COL25A1: variants seen among roughly 807,000 people sequenced by gnomAD.
COL25A1 encodes collagen alpha-1(XXV) chain.
Under a neutral mutation model 128.4 loss-of-function variants are expected in COL25A1, and 103 were observed. That is an observed-to-expected ratio of 0.80 (90% CI 0.68 to 0.94). COL25A1 has a LOEUF of 0.94. Ranked by LOEUF, COL25A1 falls within the 40% of genes least tolerant of loss-of-function variation. The pLI is 0.00. For missense variants in COL25A1, 745 were observed against 840.0 expected, an observed-to-expected ratio of 0.89 and a Z score of 1.40; for synonymous variants, 279 against 277.2, an observed-to-expected ratio of 1.01 and a Z score of -0.06.
intron 13 of COL25A1, among the ~76,000 whole-genome samples, chr4:108,917,780 AC>A (rs1351508544): frequency 6.6e-6 from 1 of 152,198 alleles, no homozygotes; most frequent in African/African-American, 2.4e-5. Context: ...TATGAGAATA[AC>A]TTTTGTTAGC....
At chr4:109,297,978 G>A (rs768770906) in intron 3 of COL25A1, among the ~76,000 whole-genome samples, 18 of 137,932 alleles carry the variant, frequency 1.3e-4, no homozygotes, top group Admixed American at 2.5e-4. Flanking sequence ...ATTCCAATCC[G>A]GAATTATCCA....
intron 3 of COL25A1, among the ~76,000 whole-genome samples, chr4:109,075,723 T>C (rs968028298): frequency 5.3e-5 from 8 of 152,138 alleles, no homozygotes; most frequent in African/African-American, 1.9e-4. Context: ...CTGTGTATAT[T>C]TTACCCACCA....
chr4:108,951,389 T>C (rs1344985611), intron 8 of COL25A1, among the ~76,000 whole-genome samples: 1 of 151,526 alleles, frequency 6.6e-6, no homozygotes, highest in African/African-American at 2.4e-5. Flanking sequence ...ACTTTTTTTT[T>C]CTTTTTTTTT....
chr4:109,145,067 CTTTTT>C (rs11344199), intron 3 of COL25A1, among the ~76,000 whole-genome samples: 1 of 109,152 alleles, frequency 9.2e-6, no homozygotes, highest in Non-Finnish European at 1.9e-5. Context: ...AAAACCTCAG[CTTTTT>C]TTTTTTTTTT....
intron 35 of COL25A1, chr4:108,819,795 C>T (rs1731604450): frequency 8.3e-7 from 1 of 1,206,540 alleles, no homozygotes. Flanking sequence ...GGAGACAGTT[C>T]CACAAGTCAG....
chr4:109,068,665 T>A (rs1462340058), intron 3 of COL25A1, among the ~76,000 whole-genome samples: 2 of 152,186 alleles, frequency 1.3e-5, no homozygotes, highest in African/African-American at 2.4e-5. Context: ...TATAATTCTA[T>A]CACCACTAAA....
At chr4:108,942,234 T>C (rs1244824715) in intron 8 of COL25A1, 1 of 1,550,330 alleles carries the variant, frequency 6.5e-7, no homozygotes. Flanking sequence ...CTGATTACTG[T>C]GCAGGGCAGC....
chr4:109,246,499 G>A (rs1446635042), intron 3 of COL25A1, among the ~76,000 whole-genome samples: 1 of 152,046 alleles, frequency 6.6e-6, no homozygotes, highest in Non-Finnish European at 1.5e-5. Context: ...TTTCTCAAAA[G>A]TGATTTGATA....
chr4:108,819,232 A>G lies in COL25A1; in HGVS notation c.1923+20T>C. ...ACAAAGGAACTGCATGCAGGGTGGTAGGAAAGAGAAATACTGTACCAATTG... is the reference window on the plus strand; with the variant it reads ...ACAAAGGAACTGCATGCAGGGTGGTGGGAAAGAGAAATACTGTACCAATTG... On this transcript the variant is annotated intron_variant, in intron 36 of 37. Transcript: ENST00000399132. 1.3e-6 allele frequency: 2 copies of G among 1,572,504 alleles called. No homozygotes were observed. Among genetic ancestry groups the G allele is most frequent in the Non-Finnish European group, 1.7e-6 (2 of 1,155,260 alleles).
intron 16 of COL25A1, among the ~76,000 whole-genome samples, chr4:108,892,596 T>C (rs889698591): frequency 1.3e-5 from 2 of 152,202 alleles, no homozygotes; most frequent in African/African-American, 2.4e-5. Context: ...TTCTAATATA[T>C]GTAGTGCAAA....
chr4:109,115,931 A>T (rs1430969353), intron 3 of COL25A1, among the ~76,000 whole-genome samples: 2 of 152,058 alleles, frequency 1.3e-5, no homozygotes, highest in African/African-American at 4.8e-5. Flanking sequence ...TTACATACAT[A>T]ACAGATAAGA....
intron 3 of COL25A1, among the ~76,000 whole-genome samples, chr4:109,115,032 T>C (rs910305474): frequency 1.3e-5 from 2 of 152,038 alleles, no homozygotes; most frequent in East Asian, 1.9e-4. Context: ...TTTATGAACA[T>C]AGGCATCAAG....
intron 3 of COL25A1, among the ~76,000 whole-genome samples, chr4:109,190,305 A>C (rs1296542075): frequency 6.6e-6 from 1 of 152,194 alleles, no homozygotes; most frequent in Non-Finnish European, 1.5e-5. Flanking sequence ...ATCACATTTT[A>C]AGCAAAATTT....
At chr4:109,057,421 ATTTTTTTTTTTTTTTTT>A (rs776941019) in intron 3 of COL25A1, among the ~76,000 whole-genome samples, 3 of 20,238 alleles carry the variant, frequency 1.5e-4, no homozygotes, top group Non-Finnish European at 1.7e-4. Flanking sequence ...TGCCTAGCTA[ATTTTTTTTTTTTTTTTT>A]TTTTTTTTTT....
intron 3 of COL25A1, among the ~76,000 whole-genome samples, chr4:109,155,057 T>A (rs1771902499): frequency 6.6e-6 from 1 of 152,214 alleles, no homozygotes; most frequent in Non-Finnish European, 1.5e-5. Flanking sequence ...AGTATTTCAA[T>A]GTAAGGCAGG....
chr4:109,230,345 G>C (rs1779085332), intron 3 of COL25A1, among the ~76,000 whole-genome samples: 1 of 152,160 alleles, frequency 6.6e-6, no homozygotes, highest in East Asian at 1.9e-4. Flanking sequence ...TACATACAGA[G>C]CAGCATTTTC....
chr4:109,039,650 C>T (rs906573487), intron 5 of COL25A1, among the ~76,000 whole-genome samples: 6 of 152,272 alleles, frequency 3.9e-5, no homozygotes, highest in South Asian at 4.1e-4. Flanking sequence ...TTGTTTTCTT[C>T]CTCTCTAGAT....
chr4:109,261,182 A>G (rs1781420265), intron 3 of COL25A1, among the ~76,000 whole-genome samples: 1 of 152,176 alleles, frequency 6.6e-6, no homozygotes, highest in Non-Finnish European at 1.5e-5. Context: ...TTAACTCTAG[A>G]CATTATAAGT....
At chr4:109,059,558 T>A (rs1336980178) in intron 3 of COL25A1, among the ~76,000 whole-genome samples, 1 of 152,190 alleles carries the variant, frequency 6.6e-6, no homozygotes, top group East Asian at 1.9e-4. Context: ...AAAATAATCA[T>A]AAGAAATCAC....
Sources: allele counts gnomAD v4.1 joint callset (sites outside exome capture counted in the v4.1 genomes callset), GRCh38; gene constraint gnomAD v4.1.1; transcripts MANE v1.5; gene names NCBI Gene and HGNC (gene_info 2026-07-23, HGNC 2026-07-21).